Variants in KCNQ1OT1 observed in about 807,000 individuals in gnomAD.
KCNQ1OT1 encodes the protein KCNQ1 antisense RNA 2 (non-protein coding).
At position 2,612,250 on chromosome 11, in the gene KCNQ1OT1, A is replaced by G. The variant is rs1337109772; in HGVS notation, n.87745T>C. ...GTGATGGCATTAGATTCTCACAGAG[A>G]GCAAATCCTATTGTGAACTGAGCAT... On this transcript the variant is annotated non_coding_transcript_exon_variant, in exon 1 of 1. Coordinates refer to ENST00000597346, the Ensembl canonical transcript of KCNQ1OT1. This position sits in a 1 kb window ranked among gnomAD's most constrained non-coding sequence, Gnocchi z 5.5. 2.5e-6 allele frequency: 1 copy of G among 398,432 alleles called. No individual in the cohort carries two copies. The highest frequency in any genetic ancestry group is 2.1e-5 in the African/African-American group (1 of 48,588). 24.7% of individuals were successfully genotyped at this position (398,432 alleles called of 1,614,324 possible). A position where few individuals can be genotyped will look rare whatever the true frequency, so the allele number is the denominator to read the frequency against.
chr11:2,683,102 C>G lies in KCNQ1OT1; in HGVS notation n.16893G>C, dbSNP rs1850425385. On this transcript the variant is annotated non_coding_transcript_exon_variant, in exon 1 of 1. Coordinates refer to ENST00000597346, the Ensembl canonical transcript of KCNQ1OT1. This position sits in a 1 kb window ranked among gnomAD's most constrained non-coding sequence, Gnocchi z 4.7. The stretch of plus-strand genomic sequence containing the variant: ...CCAGGAGCCTTCAGATTTTCTTGTT[C>G]CCAGGATATATCGCACCAACTCAGG... 1 of 392,976 alleles carries G rather than the reference C, an allele frequency of 2.5e-6. No individual in the cohort carries two copies. Among genetic ancestry groups the G allele is most frequent in the Non-Finnish European group, 4.4e-6 (1 of 225,494 alleles). The allele number at this position is 392,976 out of a possible 1,614,324, so 24.3% of individuals were successfully genotyped here.
Position 2,621,222 on chromosome 11 carries a change from C to T in KCNQ1OT1, n.78773G>A, listed in dbSNP as rs1037962060. On this transcript the variant is annotated non_coding_transcript_exon_variant, in exon 1 of 1. Transcript: ENST00000597346. This position sits in a 1 kb window ranked among gnomAD's most constrained non-coding sequence, Gnocchi z 5.7. Reference sequence around the variant, plus strand: ...CGAATACCTGACCCCAGATGATCCACGCACCTCAGCCTCCCAAAGTGCTAG... The same window carrying T: ...CGAATACCTGACCCCAGATGATCCATGCACCTCAGCCTCCCAAAGTGCTAG... 10 of 397,918 alleles carry T rather than the reference C, an allele frequency of 2.5e-5. No individual in the cohort carries two copies. Among genetic ancestry groups the T allele is most frequent in the South Asian group, 2.7e-4 (2 of 7,294 alleles). The allele number at this position is 397,918 out of a possible 1,614,324, so 24.6% of individuals were successfully genotyped here.
rs76493772 is a variant in KCNQ1OT1 at position 2,655,199 on chromosome 11, G to A, written n.44796C>T. 3,332 of 398,562 alleles carry A rather than the reference G, an allele frequency of 8.4e-3. 102 individuals carry two copies. Among genetic ancestry groups the A allele is most frequent in the African/African-American group, 0.061 (2,981 of 48,706 alleles). 24.7% of individuals were successfully genotyped at this position (398,562 alleles called of 1,614,324 possible). A position where few individuals can be genotyped will look rare whatever the true frequency, so the allele number is the denominator to read the frequency against. ...GAGAGGGTGAGACTTGGCAGCCAGCGTCCCCAGCTGGGGTAGTCGCCACGC... is the reference window on the plus strand; with the variant it reads ...GAGAGGGTGAGACTTGGCAGCCAGCATCCCCAGCTGGGGTAGTCGCCACGC... On this transcript the variant is annotated non_coding_transcript_exon_variant, in exon 1 of 1. Transcript: ENST00000597346.
chr11:2,645,384 G>A lies in KCNQ1OT1; in HGVS notation n.54611C>T. ...CTGGCACTGGGAGAAAAGAGGGTGG[G>A]ACCAGGCCAGGTGGGCCTGTCCTGA... On this transcript the variant is annotated non_coding_transcript_exon_variant, in exon 1 of 1. Transcript: ENST00000597346. The surrounding 1 kb of genome is among the most constrained non-coding windows in gnomAD (Gnocchi z 5.8). The A allele has an allele frequency of 2.5e-6, 1 of 398,778 alleles. No homozygotes were observed. Among genetic ancestry groups the A allele is most frequent in the Non-Finnish European group, 4.4e-6 (1 of 226,246 alleles). The allele number at this position is 398,778 out of a possible 1,614,324, so 24.7% of individuals were successfully genotyped here.
chr11:2,671,851 C>T lies in KCNQ1OT1; in HGVS notation n.28144G>A, dbSNP rs1454018160. Reference sequence around the variant, plus strand: ...GTGGTTATAGGTCTGAGCCTTCTGCCCCAGGGAGCCAAGCCCTGGAGAGGA... The same window carrying T: ...GTGGTTATAGGTCTGAGCCTTCTGCTCCAGGGAGCCAAGCCCTGGAGAGGA... On this transcript the variant is annotated non_coding_transcript_exon_variant, in exon 1 of 1. Coordinates refer to ENST00000597346, the Ensembl canonical transcript of KCNQ1OT1. This position sits in a 1 kb window ranked among gnomAD's most constrained non-coding sequence, Gnocchi z 4.7. 2.5e-6 allele frequency: 1 copy of T among 398,688 alleles called. No individual in the cohort carries two copies. The highest frequency in any genetic ancestry group is 3.6e-5 in the East Asian group (1 of 28,084). 24.7% of individuals were successfully genotyped at this position (398,688 alleles called of 1,614,324 possible). A position where few individuals can be genotyped will look rare whatever the true frequency, so the allele number is the denominator to read the frequency against.
At chr11:2,650,775 C>T (rs186666687) in exon 1 of KCNQ1OT1, 64 of 398,618 alleles carry the variant, frequency 1.6e-4, no homozygotes, top group Non-Finnish European at 2.7e-4. Context: ...TGAAGGTATT[C>T]TTTCTCCTAA....
chr11:2,690,145 C>T lies in KCNQ1OT1; in HGVS notation n.9850G>A, dbSNP rs2133891052. On this transcript the variant is annotated non_coding_transcript_exon_variant, in exon 1 of 1. Coordinates refer to ENST00000597346, the Ensembl canonical transcript of KCNQ1OT1. The surrounding 1 kb of genome is among the most constrained non-coding windows in gnomAD (Gnocchi z 5.1). ...GGAGCAGGGACAAAAAGCGGGCAGC[C>T]CTCCCCAGCATGACAGGATGTGGAA... The T allele has an allele frequency of 2.5e-6, 1 of 398,922 alleles. No individual in the cohort carries two copies. The highest frequency in any genetic ancestry group is 3.6e-5 in the East Asian group (1 of 28,078). The allele number at this position is 398,922 out of a possible 1,614,324, so 24.7% of individuals were successfully genotyped here.
In KCNQ1OT1 at chr11:2,695,722, A is replaced by T. The variant is rs1850664273; in HGVS notation, n.4273T>A. ...TGTGCCTGTCTCCGTCCCCACCTGC[A>T]GCACACAGGGAGGCTTGTTCCTTGC... On this transcript the variant is annotated non_coding_transcript_exon_variant, in exon 1 of 1. Transcript: ENST00000597346. This position sits in a 1 kb window ranked among gnomAD's most constrained non-coding sequence, Gnocchi z 5.2. The T allele has an allele frequency of 2.5e-6, 1 of 398,572 alleles. No individual in the cohort carries two copies. The highest frequency in any genetic ancestry group is 1.3e-4 in the South Asian group (1 of 7,860). The allele number at this position is 398,572 out of a possible 1,614,324, so 24.7% of individuals were successfully genotyped here.
At chr11:2,634,256 G>A in exon 1 of KCNQ1OT1, 1 of 377,122 alleles carries the variant, frequency 2.7e-6, no homozygotes. Flanking sequence ...TGCCATGTTG[G>A]TGTGCTGCAC....
At chr11:2,610,739 T>G (rs1382501022) in exon 1 of KCNQ1OT1, 12 of 379,786 alleles carry the variant, frequency 3.2e-5, no homozygotes, top group Non-Finnish European at 5.0e-5. Flanking sequence ...TTTTTTTTTT[T>G]TTTTTTACTT....
chr11:2,616,966 T>G (rs902145565), exon 1 of KCNQ1OT1: 36 of 365,572 alleles, frequency 9.8e-5, no homozygotes, highest in South Asian at 4.0e-4. Flanking sequence ...TTGTTGTGTT[T>G]TTTTTTTTTA....
chr11:2,645,163 G>A lies in KCNQ1OT1; in HGVS notation n.54832C>T, dbSNP rs932259922. 6 of 398,588 alleles carry A rather than the reference G, an allele frequency of 1.5e-5. No homozygotes were observed. Among genetic ancestry groups the A allele is most frequent in the African/African-American group, 1.2e-4 (6 of 48,638 alleles). The allele number at this position is 398,588 out of a possible 1,614,324, so 24.7% of individuals were successfully genotyped here. ...AGAACAATCTTCTGCCTCCCAAGGT[G>A]TCCATGCTGGTATTGGGATGGCTGG... On this transcript the variant is annotated non_coding_transcript_exon_variant, in exon 1 of 1. Coordinates refer to ENST00000597346, the Ensembl canonical transcript of KCNQ1OT1. The surrounding 1 kb of genome is among the most constrained non-coding windows in gnomAD (Gnocchi z 5.8).
At chr11:2,692,522 T>G (rs1850605686) in exon 1 of KCNQ1OT1, 1 of 398,636 alleles carries the variant, frequency 2.5e-6, no homozygotes, top group Non-Finnish European at 4.4e-6. Flanking sequence ...GCTCACAGGC[T>G]CCCTACCACC....
Position 2,663,954 on chromosome 11 carries a change from TGA to T in KCNQ1OT1, n.36039_36040del, listed in dbSNP as rs1316965571. The T allele has an allele frequency of 1.8e-5, 7 of 398,600 alleles. No homozygotes were observed. The highest frequency in any genetic ancestry group is 4.1e-5 in the African/African-American group (2 of 48,640). The allele number at this position is 398,600 out of a possible 1,614,324, so 24.7% of individuals were successfully genotyped here. ...TGTTCCACTCCAGGATGACAGGGCC[TGA>T]GAGACCTGAACATCCATCCCCAAGC... On this transcript the variant is annotated non_coding_transcript_exon_variant, in exon 1 of 1. Coordinates refer to ENST00000597346, the Ensembl canonical transcript of KCNQ1OT1. This position sits in a 1 kb window ranked among gnomAD's most constrained non-coding sequence, Gnocchi z 5.2.
At position 2,674,385 on chromosome 11, in the gene KCNQ1OT1, G is replaced by A. The variant is rs973446128; in HGVS notation, n.25610C>T. ...AAGAGCAGCTTCCTGCTTAGGGAAG[G>A]TGCATGCGTGCGTGTGTGTGTGCGC... On this transcript the variant is annotated non_coding_transcript_exon_variant, in exon 1 of 1. Transcript: ENST00000597346. This position sits in a 1 kb window ranked among gnomAD's most constrained non-coding sequence, Gnocchi z 5.9. 10 of 398,276 alleles carry A rather than the reference G, an allele frequency of 2.5e-5. No individual in the cohort carries two copies. The East Asian group carries it at 2.9e-4, about 11-fold the overall frequency. The allele number at this position is 398,276 out of a possible 1,614,324, so 24.7% of individuals were successfully genotyped here.
chr11:2,699,444 C>T (rs904451365), exon 1 of KCNQ1OT1: 8 of 403,626 alleles, frequency 2.0e-5, no homozygotes, highest in African/African-American at 4.1e-5. Context: ...GGGAGAACCG[C>T]ACTGAGGAGC....
Position 2,669,256 on chromosome 11 carries a change from T to C in KCNQ1OT1, n.30739A>G, listed in dbSNP as rs1850139062. The C allele has an allele frequency of 2.5e-6, 1 of 398,580 alleles. No homozygotes were observed. The highest frequency in any genetic ancestry group is 3.6e-5 in the East Asian group (1 of 28,098). The allele number at this position is 398,580 out of a possible 1,614,324, so 24.7% of individuals were successfully genotyped here. Reference sequence around the variant, plus strand: ...GGCTCTGGCTGCTTCTCCTTCCCCATCACTGGCTTTGCTGTCTTTGCAGGG... The same window carrying C: ...GGCTCTGGCTGCTTCTCCTTCCCCACCACTGGCTTTGCTGTCTTTGCAGGG... On this transcript the variant is annotated non_coding_transcript_exon_variant, in exon 1 of 1. Transcript: ENST00000597346. This position sits in a 1 kb window ranked among gnomAD's most constrained non-coding sequence, Gnocchi z 5.6.
exon 1 of KCNQ1OT1, chr11:2,632,842 C>T (rs1430856831): frequency 5.0e-6 from 2 of 398,254 alleles, no homozygotes; most frequent in Non-Finnish European, 8.9e-6. Context: ...AAGTTGATTC[C>T]ATATCTTAAC....
Position 2,682,982 on chromosome 11 carries a change from G to T in KCNQ1OT1, n.17013C>A. On this transcript the variant is annotated non_coding_transcript_exon_variant, in exon 1 of 1. Transcript: ENST00000597346. This position sits in a 1 kb window ranked among gnomAD's most constrained non-coding sequence, Gnocchi z 5.8. The stretch of plus-strand genomic sequence containing the variant: ...TTCTGCCACCCAGACTGTGCATTCA[G>T]ACATCTCCCTTGTGCTGTGCAGCCT... The T allele has an allele frequency of 2.5e-6, 1 of 398,644 alleles. No individual in the cohort carries two copies. Among genetic ancestry groups the T allele is most frequent in the South Asian group, 1.3e-4 (1 of 7,836 alleles). The allele number at this position is 398,644 out of a possible 1,614,324, so 24.7% of individuals were successfully genotyped here.
Sources: allele counts gnomAD v4.1 joint callset, GRCh38; gene constraint gnomAD v4.1.1; non-coding constraint Gnocchi (gnomAD v3.1); transcripts MANE v1.5; gene names NCBI Gene and HGNC (gene_info 2026-07-23, HGNC 2026-07-21).